The following NRF1 variants were observed in gnomAD, a reference collection of about 807,000 sequenced individuals.
The protein encoded by NRF1 is alpha palindromic-binding protein.
A neutral mutation model predicts 58.5 loss-of-function variants in NRF1; 5 were observed. The observed-to-expected ratio is 0.09, with a 90% CI of 0.04 to 0.18. The LOEUF is 0.18. NRF1 is among the 10% of genes least tolerant of loss of function. The pLI, the probability that NRF1 is intolerant of heterozygous loss-of-function variation, is 1.00. For missense variants in NRF1, 288 were observed against 657.7 expected, an observed-to-expected ratio of 0.44 and a Z score of 6.15; for synonymous variants, 224 against 246.7, an observed-to-expected ratio of 0.91 and a Z score of 0.86.
intron 3 of NRF1, 31 bp downstream of exon 3, chr7:129,671,574 T>C: frequency 2.6e-6 from 3 of 1,142,694 alleles, no homozygotes; most frequent in Non-Finnish European, 4.0e-6. Flanking sequence ...ATTGTTACTA[T>C]TCCTCAAATA....
At chr7:129,737,534 A>T (rs1438079911) in intron 10 of NRF1, among the ~76,000 whole-genome samples, 1 of 152,152 alleles carries the variant, frequency 6.6e-6, no homozygotes, top group Non-Finnish European at 1.5e-5. Flanking sequence ...GGATGATGCC[A>T]ATCCTCCACA....
chr7:129,654,378 CTT>C (rs1343591527), intron 1 of NRF1, among the ~76,000 whole-genome samples: 1 of 152,096 alleles, frequency 6.6e-6, no homozygotes, highest in Non-Finnish European at 1.5e-5. Context: ...TCTGATTCAT[CTT>C]TTACAACTAT....
At position 129,663,529 on chromosome 7, in the gene NRF1, G is replaced by C. The variant is rs1445376133; in HGVS notation, c.223+5955G>C. 5.2e-4 allele frequency among the ~76,000 whole-genome samples: 78 copies of C among 151,156 alleles called. No individual in the cohort carries two copies. In the Middle Eastern group the frequency reaches 0.01, roughly 20 times the overall value. On this transcript the variant is annotated intron_variant, in intron 2 of 10. Coordinates refer to ENST00000393232, the MANE Select transcript of NRF1 (RefSeq NM_005011.5). ...CAGAGGCGCTCCCCACCTCCCAGAC[G>C]GGGTGGCCGGGCAGAGGGCTGCTCA...
chr7:129,683,025 A>G lies in NRF1; in HGVS notation c.465+5267A>G, dbSNP rs147267197. Among the ~76,000 whole-genome samples the G allele has an allele frequency of 2.2e-4, 33 of 150,522 alleles. No individual in the cohort carries two copies. The East Asian group carries it at 6.4e-3, about 29-fold the overall frequency. On this transcript the variant is annotated intron_variant, in intron 4 of 10. Transcript: ENST00000393232. ...AGCTCACTGCAACCTCTGCCTCACC[A>G]GTTCAAACAGTTCTCCTGCCTCAGC...
intron 1 of NRF1, among the ~76,000 whole-genome samples, chr7:129,618,278 C>A (rs1229996741): frequency 6.6e-6 from 1 of 152,030 alleles, no homozygotes; most frequent in African/African-American, 2.4e-5. Context: ...GAGTATGACT[C>A]CAGATGTGTT....
intron 1 of NRF1, among the ~76,000 whole-genome samples, chr7:129,624,681 A>G (rs1337176209): frequency 1.3e-5 from 2 of 151,860 alleles, no homozygotes; most frequent in Admixed American, 6.6e-5. Context: ...GAGCCTTTTT[A>G]TTATTATTAT....
In NRF1 at chr7:129,739,855, G is replaced by A. The variant is rs528209937; in HGVS notation, c.1348+12490G>A. Among the ~76,000 whole-genome samples the A allele has an allele frequency of 3.9e-5, 6 of 152,246 alleles. No individual in the cohort carries two copies. In the South Asian group the frequency reaches 6.2e-4, roughly 16 times the overall value. On this transcript the variant is annotated intron_variant, in intron 10 of 10. Transcript: ENST00000393232. ...AAAGATCAAATATCTGAAGCCTGACGGGTCACAAAGCTGACAGGAGCCATG... is the reference window on the plus strand; with the variant it reads ...AAAGATCAAATATCTGAAGCCTGACAGGTCACAAAGCTGACAGGAGCCATG...
At chr7:129,626,026 G>C (rs1429587211) in intron 1 of NRF1, among the ~76,000 whole-genome samples, 1 of 151,768 alleles carries the variant, frequency 6.6e-6, no homozygotes, top group Non-Finnish European at 1.5e-5. Context: ...TACTGTGTTG[G>C]CCAGGCTGGT....
chr7:129,711,701 G>A, intron 8 of NRF1, 125 bp downstream of exon 8: 2 of 686,048 alleles, frequency 2.9e-6, no homozygotes, highest in Admixed American at 3.0e-5. Flanking sequence ...CTTTTAAAGA[G>A]CATGAGACCA....
chr7:129,692,847 C>T (rs1584646153), intron 5 of NRF1, among the ~76,000 whole-genome samples: 1 of 152,174 alleles, frequency 6.6e-6, no homozygotes, highest in East Asian at 1.9e-4. Context: ...CAGATGATTG[C>T]ATGATGGACT....
At chr7:129,730,549 G>T (rs532884328) in intron 10 of NRF1, among the ~76,000 whole-genome samples, 1 of 152,322 alleles carries the variant, frequency 6.6e-6, no homozygotes, top group South Asian at 2.1e-4. Flanking sequence ...GAAAGAGTTT[G>T]TGGGATGGAA....
chr7:129,747,798 T>C (rs1418985193), intron 10 of NRF1, among the ~76,000 whole-genome samples: 3 of 152,208 alleles, frequency 2.0e-5, no homozygotes, highest in African/African-American at 7.2e-5. Context: ...AGAATGGTTG[T>C]GGAGAAAATT....
chr7:129,672,640 C>G (rs895147079), intron 3 of NRF1, among the ~76,000 whole-genome samples: 2 of 152,082 alleles, frequency 1.3e-5, no homozygotes, highest in African/African-American at 4.8e-5. Flanking sequence ...CATCATGATT[C>G]ATTGACATGG....
chr7:129,650,090 G>C (rs1428350744), intron 1 of NRF1, among the ~76,000 whole-genome samples: 1 of 152,064 alleles, frequency 6.6e-6, no homozygotes, highest in Non-Finnish European at 1.5e-5. Context: ...TTGCACCCCA[G>C]GTGATGATCC....
At chr7:129,717,692 C>G (rs928168839) in intron 9 of NRF1, among the ~76,000 whole-genome samples, 1 of 152,212 alleles carries the variant, frequency 6.6e-6, no homozygotes, top group East Asian at 1.9e-4. Context: ...AGATCATCTC[C>G]GCATCATTCT....
intron 2 of NRF1, among the ~76,000 whole-genome samples, chr7:129,662,669 A>G (rs1287692790): frequency 6.6e-6 from 1 of 152,148 alleles, no homozygotes; most frequent in Non-Finnish European, 1.5e-5. Flanking sequence ...TCCTCTAGAG[A>G]GGATTTTTGT....
intron 5 of NRF1, among the ~76,000 whole-genome samples, chr7:129,704,171 A>G (rs1366595138): frequency 2.0e-5 from 3 of 151,940 alleles, no homozygotes; most frequent in Non-Finnish European, 1.5e-5. Flanking sequence ...AACTTTCTGT[A>G]CATTGTGGGT....
At chr7:129,614,204 C>T (rs559349453) in intron 1 of NRF1, among the ~76,000 whole-genome samples, 3 of 152,270 alleles carry the variant, frequency 2.0e-5, no homozygotes, top group Admixed American at 6.5e-5. Context: ...CAACATCTGC[C>T]TCCTGGGTTC....
chr7:129,656,404 A>C (rs1000503508), intron 1 of NRF1, among the ~76,000 whole-genome samples: 1 of 151,696 alleles, frequency 6.6e-6, no homozygotes, highest in African/African-American at 2.4e-5. Flanking sequence ...TTAAATCTAT[A>C]TATATGTATG....
Sources: gnomAD v4.1 joint callset for allele counts (sites outside exome capture counted in the v4.1 genomes callset) on GRCh38, gnomAD v4.1.1 for gene constraint, MANE v1.5 for transcripts, NCBI Gene and HGNC (gene_info 2026-07-23, HGNC 2026-07-21) for gene names.